The following GPC6 variants were observed in gnomAD, a reference collection of about 807,000 sequenced individuals.
GPC6 encodes the protein glypican-6.
Under a neutral mutation model 55.2 loss-of-function variants are expected in GPC6, and 14 were observed. The observed-to-expected ratio is 0.25, with a 90% CI of 0.17 to 0.40. GPC6 has a LOEUF of 0.40. Among genes scored for constraint, GPC6 ranks in the 10% least tolerant of loss-of-function variants. The probability of loss-of-function intolerance (pLI) is 1.00; values close to 1 mark genes in which losing one functional copy is unlikely to be tolerated. For missense variants in GPC6, 641 were observed against 708.5 expected, an observed-to-expected ratio of 0.90 and a Z score of 1.08; for synonymous variants, 278 against 259.6, an observed-to-expected ratio of 1.07 and a Z score of -0.68.
intron 3 of GPC6, among the ~76,000 whole-genome samples, chr13:93,881,143 G>A (rs1400475844): frequency 6.6e-6 from 1 of 152,078 alleles, no homozygotes; most frequent in Non-Finnish European, 1.5e-5. Context: ...TTACCTTGAT[G>A]GTGGAAATAG....
At chr13:93,258,218 G>A (rs893916987) in intron 1 of GPC6, among the ~76,000 whole-genome samples, 1 of 152,156 alleles carries the variant, frequency 6.6e-6, no homozygotes, top group African/African-American at 2.4e-5. Flanking sequence ...GTGGGTACAT[G>A]ACCTACAATA....
intron 2 of GPC6, among the ~76,000 whole-genome samples, chr13:93,674,376 T>C (rs1881494882): frequency 6.6e-6 from 1 of 152,184 alleles, no homozygotes; most frequent in Non-Finnish European, 1.5e-5. Context: ...AGGCCTAATT[T>C]TATGTCCTAT....
intron 1 of GPC6, among the ~76,000 whole-genome samples, chr13:93,415,999 T>A (rs763433282): frequency 9.2e-5 from 14 of 152,108 alleles, no homozygotes; most frequent in Non-Finnish European, 1.8e-4. Flanking sequence ...GAAAGGTAGT[T>A]TTATATGGTT....
Position 93,631,165 on chromosome 13 carries a change from A to C in GPC6, c.319+85744A>C, listed in dbSNP as rs74454235. Among the ~76,000 whole-genome samples the C allele has an allele frequency of 2.0e-5, 3 of 152,208 alleles. No individual in the cohort carries two copies. In the East Asian group the frequency reaches 5.8e-4, roughly 29 times the overall value. On this transcript the variant is annotated intron_variant, in intron 2 of 8. Transcript: ENST00000377047. Reference sequence around the variant, plus strand: ...GGGGAGGGTTTACTGGGTGAAAAGGAAAAAAGTGAAACAGGGACTCTCCAC... The same window carrying C: ...GGGGAGGGTTTACTGGGTGAAAAGGCAAAAAGTGAAACAGGGACTCTCCAC...
chr13:94,397,293 A>G (rs1378930541), intron 7 of GPC6, among the ~76,000 whole-genome samples: 1 of 151,994 alleles, frequency 6.6e-6, no homozygotes, highest in African/African-American at 2.4e-5. Context: ...AGATGGACAG[A>G]TTGTGAGAGT....
chr13:94,341,613 A>G (rs1476484316), intron 6 of GPC6, among the ~76,000 whole-genome samples: 1 of 151,802 alleles, frequency 6.6e-6, no homozygotes, highest in African/African-American at 2.4e-5. Context: ...GATTGTTACT[A>G]TGCTAAAGAA....
chr13:93,984,049 T>G (rs2140407634), intron 3 of GPC6, among the ~76,000 whole-genome samples: 1 of 152,314 alleles, frequency 6.6e-6, no homozygotes, highest in South Asian at 2.1e-4. Context: ...TTTATTTATT[T>G]ATTTTTGCTA....
intron 2 of GPC6, among the ~76,000 whole-genome samples, chr13:93,701,042 A>G (rs182208746): frequency 5.8e-4 from 88 of 152,266 alleles, no homozygotes; most frequent in Middle Eastern, 3.4e-3. Flanking sequence ...AATGTTAGAA[A>G]TTACATATCA....
intron 1 of GPC6, among the ~76,000 whole-genome samples, chr13:93,327,449 A>G (rs1041843620): frequency 9.9e-5 from 15 of 152,090 alleles, no homozygotes; most frequent in Non-Finnish European, 1.9e-4. Flanking sequence ...CATTGACTCT[A>G]CTTTCATTTA....
At chr13:93,414,135 A>G (rs1876607887) in intron 1 of GPC6, among the ~76,000 whole-genome samples, 1 of 152,270 alleles carries the variant, frequency 6.6e-6, no homozygotes, top group African/African-American at 2.4e-5. Context: ...AATCTTAACT[A>G]GCGACCTTTG....
intron 4 of GPC6, among the ~76,000 whole-genome samples, chr13:94,275,800 C>T (rs1332204985): frequency 1.3e-5 from 2 of 151,522 alleles, no homozygotes; most frequent in Non-Finnish European, 2.9e-5. Context: ...GCACTGGAAA[C>T]AAATAGCTTT....
chr13:93,945,891 T>A (rs1878984878), intron 3 of GPC6, among the ~76,000 whole-genome samples: 1 of 152,238 alleles, frequency 6.6e-6, no homozygotes, highest in African/African-American at 2.4e-5. Context: ...ATGTTGGAAT[T>A]TCATTTGTTC....
At position 93,547,191 on chromosome 13, in the gene GPC6, AAAAAAT is replaced by A. The variant is rs1325323405; in HGVS notation, c.319+1771_319+1776del. Among the ~76,000 whole-genome samples, 143 of 81,016 alleles carry A rather than the reference AAAAAAT, an allele frequency of 1.8e-3. 1 individual carries two copies. The highest frequency in any genetic ancestry group is 8.0e-3 in the South Asian group (18 of 2,244). 53.1% of individuals were successfully genotyped at this position (81,016 alleles called of 152,430 possible). A position where few individuals can be genotyped will look rare whatever the true frequency, so the allele number is the denominator to read the frequency against. The stretch of plus-strand genomic sequence containing the variant: ...TAAAAATACAAAAAAAAAAAAAAAA[AAAAAAT>A]TAGCTGGGCGTGGTGCCAGGCGCCT... On this transcript the variant is annotated intron_variant, in intron 2 of 8. Coordinates refer to ENST00000377047, the MANE Select transcript of GPC6 (RefSeq NM_005708.5).
chr13:93,451,076 G>C (rs1878206615), intron 1 of GPC6, among the ~76,000 whole-genome samples: 1 of 152,196 alleles, frequency 6.6e-6, no homozygotes, highest in Non-Finnish European at 1.5e-5. Flanking sequence ...GATTGGATAA[G>C]TTTAAGAGAG....
intron 4 of GPC6, among the ~76,000 whole-genome samples, chr13:94,095,284 T>C: frequency 6.6e-6 from 1 of 152,200 alleles, no homozygotes; most frequent in East Asian, 1.9e-4. Flanking sequence ...TTGGGAATTA[T>C]ACCAGGCCCA....
chr13:93,623,029 G>T (rs1013653549), intron 2 of GPC6, among the ~76,000 whole-genome samples: 2 of 152,004 alleles, frequency 1.3e-5, no homozygotes, highest in African/African-American at 4.8e-5. Flanking sequence ...TCTGTGCTTG[G>T]CTTATTTGAT....
At chr13:94,059,873 T>C (rs1594703290) in intron 4 of GPC6, among the ~76,000 whole-genome samples, 1 of 151,890 alleles carries the variant, frequency 6.6e-6, no homozygotes, top group East Asian at 1.9e-4. Context: ...ACTTTGGGGT[T>C]TCATTTTCAA....
intron 3 of GPC6, among the ~76,000 whole-genome samples, chr13:93,853,121 A>G (rs2139015127): frequency 6.6e-6 from 1 of 151,814 alleles, no homozygotes; most frequent in Middle Eastern, 3.4e-3. Flanking sequence ...GAAAAGTTTT[A>G]TTTAAAAACC....
chr13:93,952,661 ATATG>A (rs2140374168), intron 3 of GPC6, among the ~76,000 whole-genome samples: 1 of 151,430 alleles, frequency 6.6e-6, no homozygotes, highest in East Asian at 1.9e-4. Context: ...ATATGTATGT[ATATG>A]TATGTGTGTA....
Sources: allele counts gnomAD v4.1 joint callset (sites outside exome capture counted in the v4.1 genomes callset), GRCh38; gene constraint gnomAD v4.1.1; transcripts MANE v1.5; gene names NCBI Gene and HGNC (gene_info 2026-07-23, HGNC 2026-07-21).